The following EPHA6 variants were observed in gnomAD, a reference collection of about 807,000 sequenced individuals.
EPHA6 encodes EPH receptor A6, also known as ephrin type-A receptor 6.
EPHA6 carries 50 observed loss-of-function variants against 112.0 expected under a neutral mutation model. That is an observed-to-expected ratio of 0.45 (90% CI 0.36 to 0.56). EPHA6 has a LOEUF of 0.56. EPHA6 is among the 20% of genes least tolerant of loss of function. EPHA6 has a pLI of 0.00. For missense variants in EPHA6, 1,280 were observed against 1,417.4 expected (o/e 0.90, Z 1.56); for synonymous variants, 529 against 490.7 (o/e 1.08, Z -1.03).
At chr3:97,374,304 C>CA (rs1209613979) in intron 5 of EPHA6, among the ~76,000 whole-genome samples, 1 of 152,082 alleles carries the variant, frequency 6.6e-6, no homozygotes, top group Non-Finnish European at 1.5e-5. Context: ...CTTTAACACT[C>CA]ACACCCTTTT....
chr3:97,000,361 T>A (rs542804673), intron 3 of EPHA6, among the ~76,000 whole-genome samples: 113 of 149,976 alleles, frequency 7.5e-4, no homozygotes, highest in East Asian at 6.8e-3. Context: ...GTGCTTTTTT[T>A]ATATATTTTA....
intron 14 of EPHA6, among the ~76,000 whole-genome samples, chr3:97,715,995 G>C (rs2034199475): frequency 6.6e-6 from 1 of 152,170 alleles, no homozygotes; most frequent in Non-Finnish European, 1.5e-5. Flanking sequence ...GAAGCCATTT[G>C]AGTTACATTC....
rs1188961694 is a variant in EPHA6 at position 97,750,475 on chromosome 3, G to A, written c.*1774G>A. On this transcript the variant is annotated 3_prime_UTR_variant, in exon 18 of 18. Coordinates refer to ENST00000389672, the MANE Select transcript of EPHA6 (RefSeq NM_001080448.3). ...GGGTTCAAGCGATTCTCCTGCCTCA[G>A]CCACCCGAGTAGCTGGGATTACAGG... Among the ~76,000 whole-genome samples the A allele has an allele frequency of 2.0e-5, 3 of 151,934 alleles. No individual in the cohort carries two copies. The highest frequency in any genetic ancestry group is 4.8e-5 in the African/African-American group (2 of 41,352).
At chr3:97,076,811 A>G (rs1407127440) in intron 3 of EPHA6, among the ~76,000 whole-genome samples, 2 of 152,128 alleles carry the variant, frequency 1.3e-5, no homozygotes, top group Non-Finnish European at 2.9e-5. Flanking sequence ...CTTAAGAATT[A>G]TGGTAAATCT....
intron 10 of EPHA6, among the ~76,000 whole-genome samples, chr3:97,526,656 G>A (rs1193007588): frequency 1.3e-5 from 2 of 152,034 alleles, no homozygotes; most frequent in African/African-American, 2.4e-5. Context: ...AATAACTTCA[G>A]GGCTGTGACA....
chr3:96,864,318 C>A (rs547763314), intron 1 of EPHA6, among the ~76,000 whole-genome samples: 1 of 152,056 alleles, frequency 6.6e-6, no homozygotes, highest in East Asian at 1.9e-4. Context: ...TGGAAATAGC[C>A]CAGATGTCCA....
At chr3:97,554,925 T>A (rs994007414) in intron 11 of EPHA6, among the ~76,000 whole-genome samples, 3 of 145,706 alleles carry the variant, frequency 2.1e-5, no homozygotes, top group African/African-American at 7.5e-5. Context: ...TGAGTGTGCC[T>A]TTTTTTTTTT....
At chr3:97,410,851 T>C (rs1394300750) in intron 6 of EPHA6, among the ~76,000 whole-genome samples, 1 of 152,022 alleles carries the variant, frequency 6.6e-6, no homozygotes, top group Admixed American at 6.6e-5. Context: ...ATCACAATGC[T>C]CTCAACATAG....
At chr3:97,207,728 G>T (rs1160446313) in intron 3 of EPHA6, among the ~76,000 whole-genome samples, 1 of 152,088 alleles carries the variant, frequency 6.6e-6, no homozygotes, top group East Asian at 1.9e-4. Context: ...TTTGATTAAT[G>T]GAATGGATTT....
intron 5 of EPHA6, among the ~76,000 whole-genome samples, chr3:97,313,750 A>G (rs2081669921): frequency 6.6e-6 from 1 of 151,572 alleles, no homozygotes; most frequent in Admixed American, 6.6e-5. Flanking sequence ...TTGAGTTGAT[A>G]CGTTCCTTAT....
chr3:97,305,142 A>G (rs993146710), intron 5 of EPHA6, among the ~76,000 whole-genome samples: 5 of 152,068 alleles, frequency 3.3e-5, no homozygotes, highest in Admixed American at 3.3e-4. Context: ...GCTCAACATC[A>G]CTGATCATTA....
chr3:97,729,696 T>TG (rs1302273998), intron 15 of EPHA6, among the ~76,000 whole-genome samples: 4 of 31,958 alleles, frequency 1.3e-4, no homozygotes, highest in Non-Finnish European at 1.8e-4. Context: ...CCTTCTGCCT[T>TG]ATTTTTTCTT....
chr3:96,851,777 A>G (rs1219017589), intron 1 of EPHA6, among the ~76,000 whole-genome samples: 1 of 152,158 alleles, frequency 6.6e-6, no homozygotes, highest in Non-Finnish European at 1.5e-5. Context: ...TGTTTTTCAT[A>G]ACTTGAAATA....
chr3:97,483,476 A>G (rs192434622), intron 9 of EPHA6, among the ~76,000 whole-genome samples: 1 of 152,206 alleles, frequency 6.6e-6, no homozygotes, highest in Admixed American at 6.5e-5. Context: ...GGTTTTCTGG[A>G]AAAGGGGGAG....
chr3:97,574,136 G>GA (rs545278459), intron 11 of EPHA6, among the ~76,000 whole-genome samples: 48 of 152,068 alleles, frequency 3.2e-4, no homozygotes, highest in African/African-American at 1.0e-3. Flanking sequence ...ATTGGTTTGA[G>GA]AAAAAATTGT....
intron 14 of EPHA6, among the ~76,000 whole-genome samples, chr3:97,647,818 A>G (rs1475879751): frequency 6.6e-6 from 1 of 152,136 alleles, no homozygotes; most frequent in Non-Finnish European, 1.5e-5. Context: ...TCTCATTTGA[A>G]TATTGCTAGG....
chr3:97,169,402 A>G (rs2076629883), intron 3 of EPHA6, among the ~76,000 whole-genome samples: 1 of 152,194 alleles, frequency 6.6e-6, no homozygotes, highest in South Asian at 2.1e-4. Context: ...AATGGATAGT[A>G]GAATTACCTT....
At chr3:97,387,586 A>G (rs142928917) in intron 5 of EPHA6, among the ~76,000 whole-genome samples, 372 of 152,150 alleles carry the variant, frequency 2.4e-3, no homozygotes, top group African/African-American at 8.5e-3. Context: ...TGTACATATC[A>G]CTATCAGCAT....
intron 10 of EPHA6, among the ~76,000 whole-genome samples, chr3:97,487,263 C>T (rs2091720026): frequency 6.6e-6 from 1 of 152,208 alleles, no homozygotes; most frequent in African/African-American, 2.4e-5. Context: ...GTTAAGATTA[C>T]TTTTCAGATT....
Sources: allele counts gnomAD v4.1 joint callset (sites outside exome capture counted in the v4.1 genomes callset), GRCh38; gene constraint gnomAD v4.1.1; transcripts MANE v1.5; gene names NCBI Gene and HGNC (gene_info 2026-07-23, HGNC 2026-07-21).